BCL2: variants seen among roughly 807,000 people sequenced by gnomAD.
BCL2 encodes the protein apoptosis regulator Bcl-2.
BCL2 carries 1 observed loss-of-function variant against 14.2 expected under a neutral mutation model. The ratio of observed to expected loss-of-function variants is 0.07; its 90% CI spans 0.02 to 0.33. The LOEUF (loss-of-function observed/expected upper bound fraction) is 0.33, where lower values mean the gene tolerates loss of function less well. BCL2 is among the 10% of genes least tolerant of loss of function. The pLI is 0.99. For missense variants in BCL2, 247 were observed against 305.9 expected (o/e 0.81, Z 1.44); for synonymous variants, 151 against 137.2 (o/e 1.10, Z -0.70).
At chr18:63,298,361 C>T (rs1912860133) in intron 2 of BCL2, among the ~76,000 whole-genome samples, 1 of 152,214 alleles carries the variant, frequency 6.6e-6, no homozygotes, top group Admixed American at 6.5e-5. Context: ...AAACTCACCA[C>T]CCTTCATTCC....
chr18:63,155,849 C>A (rs1914766489), intron 2 of BCL2, among the ~76,000 whole-genome samples: 1 of 152,134 alleles, frequency 6.6e-6, no homozygotes, highest in South Asian at 2.1e-4. Context: ...CGCACCCTCT[C>A]CCTTCCTGGG....
intron 2 of BCL2, among the ~76,000 whole-genome samples, chr18:63,172,675 GGA>G (rs1915252803): frequency 1.3e-5 from 2 of 152,202 alleles, no homozygotes; most frequent in Admixed American, 6.5e-5. Flanking sequence ...CAGCTACTCG[GGA>G]GGCTGAGGCA....
chr18:63,279,369 T>C (rs368630798), intron 2 of BCL2, among the ~76,000 whole-genome samples: 116 of 152,198 alleles, frequency 7.6e-4, no homozygotes, highest in Middle Eastern at 3.4e-3. Context: ...AGTTGAAAAA[T>C]GGACAAGAGA....
chr18:63,164,386 A>T (rs1281805973), intron 2 of BCL2, among the ~76,000 whole-genome samples: 2 of 152,208 alleles, frequency 1.3e-5, no homozygotes, highest in Non-Finnish European at 2.9e-5. Flanking sequence ...AGCCCCAGAC[A>T]TGGTATGCCT....
chr18:63,142,926 T>C (rs1195423887), intron 2 of BCL2, among the ~76,000 whole-genome samples: 4 of 152,198 alleles, frequency 2.6e-5, no homozygotes, highest in Admixed American at 2.0e-4. Flanking sequence ...CAGACAGTCT[T>C]CCTGTGCCCA....
Position 63,136,024 on chromosome 18 carries a change from C to T in BCL2, c.586-7265G>A, listed in dbSNP as rs8091529. Among the ~76,000 whole-genome samples, 900 of 152,188 alleles carry T rather than the reference C, an allele frequency of 5.9e-3. 10 individuals are homozygous for T. The highest frequency in any genetic ancestry group is 0.021 in the African/African-American group (864 of 41,522). ...GACACCAAGACCACTGAGGGTCTTC[C>T]GTGACTCTGCTCCCTTTGGGCTACC... On this transcript the variant is annotated intron_variant, in intron 2 of 2. Coordinates refer to ENST00000333681, the MANE Select transcript of BCL2 (RefSeq NM_000633.3).
At chr18:63,272,599 A>G (rs1246868288) in intron 2 of BCL2, among the ~76,000 whole-genome samples, 1 of 152,206 alleles carries the variant, frequency 6.6e-6, no homozygotes, top group Non-Finnish European at 1.5e-5. Flanking sequence ...CAATCAGGTT[A>G]TCTTTAGCTA....
rs186519232 is a variant in BCL2 at position 63,197,819 on chromosome 18, T to A, written c.586-69060A>T. ...AGCATGTTAGTCAGACATTGAGGGG[T>A]GAACCTGTCCCCTGTGAGAGAGCAT... On this transcript the variant is annotated intron_variant, in intron 2 of 2. Coordinates refer to ENST00000333681, the MANE Select transcript of BCL2 (RefSeq NM_000633.3). 5.3e-5 allele frequency among the ~76,000 whole-genome samples: 8 copies of A among 152,224 alleles called. No homozygotes were observed. The East Asian group carries it at 1.5e-3, about 29-fold the overall frequency.
At chr18:63,278,730 A>T (rs1912227370) in intron 2 of BCL2, among the ~76,000 whole-genome samples, 1 of 152,196 alleles carries the variant, frequency 6.6e-6, no homozygotes, top group Non-Finnish European at 1.5e-5. Flanking sequence ...CCCTCCTTGA[A>T]TAAAGTCTTC....
At chr18:63,302,382 C>G in intron 2 of BCL2, 1 of 985,034 alleles carries the variant, frequency 1.0e-6, no homozygotes, top group Non-Finnish European at 1.2e-6. Flanking sequence ...TAACACAGAG[C>G]CTGGGGTTTG....
chr18:63,313,422 A>G (rs2144311037), intron 2 of BCL2, among the ~76,000 whole-genome samples: 1 of 152,358 alleles, frequency 6.6e-6, no homozygotes, highest in South Asian at 2.1e-4. Flanking sequence ...GGTCTCCTAC[A>G]TGTGGTTGAC....
chr18:63,180,679 TA>T (rs1915461989), intron 2 of BCL2, among the ~76,000 whole-genome samples: 1 of 152,218 alleles, frequency 6.6e-6, no homozygotes, highest in African/African-American at 2.4e-5. Context: ...CATTGTAGGA[TA>T]GGGGGTCTCC....
chr18:63,259,246 G>A (rs1016400448), intron 2 of BCL2, among the ~76,000 whole-genome samples: 10 of 152,278 alleles, frequency 6.6e-5, no homozygotes, highest in Non-Finnish European at 1.0e-4. Flanking sequence ...GACTGTGGGG[G>A]CCTAGTGCAA....
intron 2 of BCL2, among the ~76,000 whole-genome samples, chr18:63,131,306 G>T (rs966090140): frequency 1.3e-5 from 2 of 152,166 alleles, no homozygotes; most frequent in African/African-American, 4.8e-5. Context: ...AGGAGAGGGC[G>T]CAAGGGCTTT....
chr18:63,276,191 GC>G (rs1912148713), intron 2 of BCL2, among the ~76,000 whole-genome samples: 1 of 152,278 alleles, frequency 6.6e-6, no homozygotes, highest in African/African-American at 2.4e-5. Context: ...ACTCTTGGGG[GC>G]CGAGTCCTTG....
At chr18:63,256,694 G>C (rs989566202) in intron 2 of BCL2, among the ~76,000 whole-genome samples, 2 of 151,920 alleles carry the variant, frequency 1.3e-5, no homozygotes, top group African/African-American at 4.9e-5. Context: ...TGTGGCAAGG[G>C]GTATGGGGTT....
intron 2 of BCL2, among the ~76,000 whole-genome samples, chr18:63,178,448 G>A (rs1182512532): frequency 6.6e-6 from 1 of 152,190 alleles, no homozygotes; most frequent in Non-Finnish European, 1.5e-5. Flanking sequence ...GGTTCTCAGA[G>A]CAAAGAATGT....
At chr18:63,276,122 A>G (rs933278235) in intron 2 of BCL2, among the ~76,000 whole-genome samples, 3 of 152,202 alleles carry the variant, frequency 2.0e-5, no homozygotes, top group Admixed American at 2.0e-4. Context: ...AGAAAGACAG[A>G]CTTCTGGGTG....
intron 2 of BCL2, among the ~76,000 whole-genome samples, chr18:63,240,907 T>A (rs1910983065): frequency 6.6e-6 from 1 of 152,242 alleles, no homozygotes; most frequent in Non-Finnish European, 1.5e-5. Context: ...ACAGGGTTGG[T>A]GTCCACTGAA....
Sources: gnomAD v4.1 joint callset for allele counts (sites outside exome capture counted in the v4.1 genomes callset) on GRCh38, gnomAD v4.1.1 for gene constraint, MANE v1.5 for transcripts, NCBI Gene and HGNC (gene_info 2026-07-23, HGNC 2026-07-21) for gene names.